SYNPO2: variants seen among roughly 807,000 people sequenced by gnomAD.
SYNPO2 encodes synaptopodin 2.
In SYNPO2, 56 loss-of-function variants were observed where a neutral mutation model predicts 85.0. The ratio of observed to expected loss-of-function variants is 0.66; its 90% confidence interval spans 0.53 to 0.82. The LOEUF (loss-of-function observed/expected upper bound fraction) is 0.82. SYNPO2 is among the 40% of genes least tolerant of loss of function. The probability of loss-of-function intolerance (pLI) is 0.00; values close to 1 mark genes in which losing one functional copy is unlikely to be tolerated. For synonymous variants in SYNPO2, 602 were observed against 591.1 expected, an observed-to-expected ratio of 1.02 and a Z score of -0.27; for missense variants, 1,575 against 1,534.2, an observed-to-expected ratio of 1.03 and a Z score of -0.44.
intron 1 of SYNPO2, among the ~76,000 whole-genome samples, chr4:119,007,231 T>TATATAC (rs1553945921): frequency 6.1e-5 from 3 of 49,280 alleles, no homozygotes; most frequent in South Asian, 1.3e-3. Context: ...TATATATATA[T>TATATAC]ATATATATAT....
chr4:118,878,833 T>C (rs893612188), intron 1 of SYNPO2, among the ~76,000 whole-genome samples: 4 of 152,220 alleles, frequency 2.6e-5, no homozygotes, highest in African/African-American at 9.6e-5. Flanking sequence ...GAATAAAAGC[T>C]GGCCACCCCA....
intron 1 of SYNPO2, among the ~76,000 whole-genome samples, chr4:118,931,878 C>T (rs1259984834): frequency 6.6e-6 from 1 of 152,150 alleles, no homozygotes; most frequent in Non-Finnish European, 1.5e-5. Context: ...TGTCTATTTC[C>T]TGGGTGAAAA....
At chr4:118,962,616 C>G (rs1393469292) in intron 1 of SYNPO2, among the ~76,000 whole-genome samples, 1 of 152,082 alleles carries the variant, frequency 6.6e-6, no homozygotes, top group Non-Finnish European at 1.5e-5. Flanking sequence ...TTTAATAGCT[C>G]CAAAGTGTTG....
chr4:119,008,973 A>T (rs537156611), intron 1 of SYNPO2, among the ~76,000 whole-genome samples: 3 of 152,296 alleles, frequency 2.0e-5, no homozygotes, highest in East Asian at 1.9e-4. Context: ...TGGAAATTTC[A>T]TCATATTTGG....
At chr4:118,980,998 C>CT (rs1735986087) in intron 1 of SYNPO2, among the ~76,000 whole-genome samples, 1 of 152,218 alleles carries the variant, frequency 6.6e-6, no homozygotes, top group Non-Finnish European at 1.5e-5. Context: ...GCACAGTTTC[C>CT]TTTTTCTGGG....
Position 119,057,690 on chromosome 4 carries a change from C to G in SYNPO2, c.3542C>G (p.Ser1181Cys). 2 of 1,614,130 alleles carry G rather than the reference C, an allele frequency of 1.2e-6. No homozygotes were observed. The highest frequency in any genetic ancestry group is 1.7e-6 in the Non-Finnish European group (2 of 1,180,032). The change falls in exon 5 of 5, where the codon TCC becomes TGC. Residue 1181 changes from serine to cysteine, a missense_variant. By Grantham distance (112) the Ser-to-Cys change is moderately radical (BLOSUM62 -1). Around this residue, in one of 3 missense-constraint regions of SYNPO2, gnomAD observed 1,508 missense variants for 1,446.8 expected, o/e 1.04. Coordinates refer to ENST00000307142, the MANE Select transcript of SYNPO2 (RefSeq NM_133477.3). ...GPPEDWNERL[S>C]YIPQTQKAYM... The stretch of plus-strand genomic sequence containing the variant: ...CCAGAGGATTGGAATGAAAGACTGT[C>G]CTATATTCCTCAAACCCAGAAGGCC...
intron 1 of SYNPO2, among the ~76,000 whole-genome samples, chr4:118,896,532 A>T (rs1732555175): frequency 6.6e-6 from 1 of 152,216 alleles, no homozygotes; most frequent in African/African-American, 2.4e-5. Context: ...CAGAAAGAAA[A>T]TAATGTCTGC....
chr4:119,015,996 G>A (rs1237031944), intron 1 of SYNPO2, among the ~76,000 whole-genome samples: 2 of 152,100 alleles, frequency 1.3e-5, no homozygotes, highest in African/African-American at 4.8e-5. Context: ...ACCAAATAAC[G>A]ATGGTAAATA....
chr4:118,899,191 T>A (rs1290528455), intron 1 of SYNPO2, among the ~76,000 whole-genome samples: 2 of 152,188 alleles, frequency 1.3e-5, no homozygotes, highest in Non-Finnish European at 2.9e-5. Flanking sequence ...ATTTTGAGCA[T>A]ATCCCATATA....
At chr4:118,931,756 C>G (rs904189979) in intron 1 of SYNPO2, among the ~76,000 whole-genome samples, 2 of 152,144 alleles carry the variant, frequency 1.3e-5, no homozygotes, top group African/African-American at 4.8e-5. Flanking sequence ...ATTCCTTTGG[C>G]TAAATTGAAT....
At chr4:119,051,820 A>T (rs1373084577) in intron 4 of SYNPO2, among the ~76,000 whole-genome samples, 3 of 152,222 alleles carry the variant, frequency 2.0e-5, no homozygotes, top group Admixed American at 1.3e-4. Context: ...GTGAGATTCC[A>T]GATTCAAATG....
chr4:119,057,593 C>T lies in SYNPO2; in HGVS notation c.3445C>T (p.Pro1149Ser). Residue 1149 changes from proline to serine, a missense_variant, in exon 5 of 5, where the codon CCC becomes TCC. Physicochemically the swap from Pro to Ser is moderately conservative, Grantham distance 74 (BLOSUM62 -1). Transcript: ENST00000307142. Reference sequence around the variant, plus strand: ...CGGTCTAGTGGATGATGCTTTCCAACCCAGAAACATCCAGGAATCCATTGT... The same window carrying T: ...CGGTCTAGTGGATGATGCTTTCCAATCCAGAAACATCCAGGAATCCATTGT... ...PLGLVDDAFQ[P>S]RNIQESIVAN... 6.2e-7 allele frequency: 1 copy of T among 1,614,078 alleles called. No individual in the cohort carries two copies. Among genetic ancestry groups the T allele is most frequent in the Non-Finnish European group, 8.5e-7 (1 of 1,180,014 alleles).
chr4:118,983,410 A>T (rs1052678656), intron 1 of SYNPO2, among the ~76,000 whole-genome samples: 6 of 151,552 alleles, frequency 4.0e-5, no homozygotes, highest in Middle Eastern at 3.4e-3. Flanking sequence ...CCCTTGCATT[A>T]TTTTCTCCGG....
At chr4:118,976,221 T>G (rs187554701) in intron 1 of SYNPO2, among the ~76,000 whole-genome samples, 1 of 151,946 alleles carries the variant, frequency 6.6e-6, no homozygotes, top group Admixed American at 6.5e-5. Context: ...TTCCTTCTGG[T>G]GGGTTCGTGG....
intron 4 of SYNPO2, chr4:119,035,469 AT>A (rs1738468625): frequency 1.0e-6 from 1 of 985,316 alleles, no homozygotes; most frequent in African/African-American, 1.7e-5. Context: ...CAGTTTCTGC[AT>A]TGGTAGTGTA....
At chr4:118,945,503 A>G (rs151206647) in intron 1 of SYNPO2, among the ~76,000 whole-genome samples, 2 of 152,326 alleles carry the variant, frequency 1.3e-5, no homozygotes, top group South Asian at 2.1e-4. Context: ...TTTATCTATT[A>G]AGATAAAAAT....
chr4:118,894,079 A>G (rs1732465845), intron 1 of SYNPO2, among the ~76,000 whole-genome samples: 1 of 151,400 alleles, frequency 6.6e-6, no homozygotes, highest in African/African-American at 2.4e-5. Flanking sequence ...TCATGAAATC[A>G]TCATCATCAA....
intron 1 of SYNPO2, among the ~76,000 whole-genome samples, chr4:118,921,838 T>A (rs1733551298): frequency 6.6e-6 from 1 of 151,696 alleles, no homozygotes; most frequent in African/African-American, 2.4e-5. Flanking sequence ...CATTCTTGCT[T>A]CTCCCTCAAT....
intron 1 of SYNPO2, among the ~76,000 whole-genome samples, chr4:118,871,471 TC>T (rs1560808139): frequency 6.6e-6 from 1 of 152,166 alleles, no homozygotes; most frequent in Non-Finnish European, 1.5e-5. Context: ...TCTCGTCTGT[TC>T]TACCTACCGG....
Sources: allele counts gnomAD v4.1 joint callset (sites outside exome capture counted in the v4.1 genomes callset), GRCh38; gene constraint gnomAD v4.1.1; regional missense constraint gnomAD v4.1.1; transcripts MANE v1.5; gene names NCBI Gene and HGNC (gene_info 2026-07-23, HGNC 2026-07-21).